MPP1: variants seen among roughly 807,000 people sequenced by gnomAD.
MPP1 encodes the protein 55 kDa erythrocyte membrane protein.
Under a neutral mutation model 38.2 loss-of-function variants are expected in MPP1, and 6 were observed. The ratio of observed to expected loss-of-function variants is 0.16; its 90% CI spans 0.09 to 0.31. MPP1 has a LOEUF of 0.31. Among genes scored for constraint, MPP1 ranks in the 10% least tolerant of loss-of-function variants. MPP1 has a pLI of 1.00. For synonymous variants in MPP1, 153 were observed against 146.3 expected (o/e 1.05, Z -0.33); for missense variants, 293 against 368.9 (o/e 0.79, Z 1.69).
At position 154,784,442 on chromosome X, in the gene MPP1, A is replaced by G. The variant is rs782106697; in HGVS notation, c.785-334T>C. ...TGGCACTTAGAGCTGAAGAATGCCA[A>G]TGCTATCTCGGTTCTGCCTGAATGT... On this transcript the variant is annotated intron_variant, in intron 7 of 11. Coordinates refer to ENST00000369534, the MANE Select transcript of MPP1 (RefSeq NM_002436.4). Among the ~76,000 whole-genome samples, 6 of 110,543 alleles carry G rather than the reference A, an allele frequency of 5.4e-5. No individual in the cohort carries two copies. The East Asian group carries it at 1.7e-3, about 31-fold the overall frequency.
chrX:154,799,108 C>T (rs1426203386), intron 1 of MPP1, among the ~76,000 whole-genome samples: 2 of 112,011 alleles, frequency 1.8e-5, no homozygotes, highest in Non-Finnish European at 3.8e-5. Flanking sequence ...AAAGACTCAG[C>T]AAAGCTTACT....
chrX:154,796,362 C>T (rs1300046416), intron 1 of MPP1, among the ~76,000 whole-genome samples: 2 of 111,046 alleles, frequency 1.8e-5, no homozygotes, highest in African/African-American at 3.3e-5. Flanking sequence ...AACTCCTGAC[C>T]GCAAGTGATC....
intron 1 of MPP1, among the ~76,000 whole-genome samples, chrX:154,794,467 G>GGAGGAGGAGGAC (rs1406954790): frequency 8.9e-6 from 1 of 111,956 alleles, no homozygotes; most frequent in East Asian, 2.8e-4. Context: ...ACCTGGAGGA[G>GGAGGAGGAGGAC]GAGGAGGAGG....
At chrX:154,786,511 G>A in intron 5 of MPP1, 111 bp from the exon 6 acceptor site, 1 of 685,318 alleles carries the variant, frequency 1.5e-6, no homozygotes, top group Non-Finnish European at 2.2e-6. Context: ...CAACAGGGAG[G>A]TAAGAATGGT....
At chrX:154,791,213 T>C in intron 3 of MPP1, 145 bp from the exon 4 acceptor site, 1 of 524,536 alleles carries the variant, frequency 1.9e-6, no homozygotes, top group Non-Finnish European at 3.2e-6. Flanking sequence ...ATTGAAAACA[T>C]TTGACTTGAC....
chrX:154,801,031 T>C (rs1237731910), intron 1 of MPP1, among the ~76,000 whole-genome samples: 4 of 112,611 alleles, frequency 3.6e-5, no homozygotes, highest in Non-Finnish European at 5.6e-5. Flanking sequence ...CAGCCAATTT[T>C]GGAAATATGG....
In MPP1 at chrX:154,797,801, G is replaced by A. The variant is rs781939364; in HGVS notation, c.103-5516C>T. Among the ~76,000 whole-genome samples the A allele has an allele frequency of 3.5e-3, 393 of 112,137 alleles. No homozygotes were observed. In the Middle Eastern group the frequency reaches 0.075, roughly 21 times the overall value. On this transcript the variant is annotated intron_variant, in intron 1 of 11. Coordinates refer to ENST00000369534, the MANE Select transcript of MPP1 (RefSeq NM_002436.4). ...TCAAAATGAAAAACTCTTGTTCTGT[G>A]AAAGCCCACATGAAGATTGTGAAAA...
At chrX:154,791,952 C>T (rs1397891783) in intron 2 of MPP1, 105 bp from the exon 3 acceptor site, 17 of 963,651 alleles carry the variant, frequency 1.8e-5, no homozygotes, top group Middle Eastern at 5.6e-4. Flanking sequence ...TCCATTTATA[C>T]CCAGGATAGT....
intron 10 of MPP1, 28 bp from the exon 11 acceptor site, chrX:154,781,341 G>A (rs2071994441): frequency 1.0e-6 from 1 of 993,059 alleles, no homozygotes; most frequent in African/African-American, 2.3e-5. Context: ...GGGCGGCGGG[G>A]AGGGGGGGGA....
chrX:154,792,960 T>C (rs1258056487), intron 1 of MPP1, among the ~76,000 whole-genome samples: 1 of 111,555 alleles, frequency 9.0e-6, no homozygotes, highest in Non-Finnish European at 1.9e-5. Context: ...GCAAGGCCTC[T>C]TTATTATAAA....
chrX:154,784,316 C>T (rs1354857632), intron 7 of MPP1, among the ~76,000 whole-genome samples: 1 of 110,988 alleles, frequency 9.0e-6, no homozygotes, highest in Non-Finnish European at 1.9e-5. Flanking sequence ...GTTTATCTAA[C>T]TTTTGCACCC....
rs188504290 is a variant in MPP1, at chrX:154,789,148, A to C, written c.480+806T>G. 4.5e-5 allele frequency among the ~76,000 whole-genome samples: 5 copies of C among 111,920 alleles called. No individual in the cohort carries two copies. The East Asian group carries it at 1.4e-3, about 31-fold the overall frequency. ...TTGAATATATGCCCATATATGCCAAAACTGCAATTTAAAAGTTTACTTAAG... is the reference window on the plus strand; with the variant it reads ...TTGAATATATGCCCATATATGCCAACACTGCAATTTAAAAGTTTACTTAAG... On this transcript the variant is annotated intron_variant, in intron 5 of 11. Transcript: ENST00000369534.
intron 1 of MPP1, chrX:154,799,880 T>A: frequency 8.7e-7 from 1 of 1,150,520 alleles, no homozygotes; most frequent in East Asian, 3.3e-5. Context: ...GCAGAGGCAG[T>A]TGCTCAAAGG....
At chrX:154,792,120 C>T (rs782259947) in intron 2 of MPP1, 22 bp downstream of exon 2, 21 of 1,203,517 alleles carry the variant, frequency 1.7e-5, no homozygotes, top group Admixed American at 6.6e-5. Context: ...AACTGGTGGG[C>T]GACAATATGA....
In MPP1 at chrX:154,792,312, G is replaced by A. The variant is rs782068811; in HGVS notation, c.103-27C>T. ...TGCCAAGCCAAAACAACAAAGCAAC[G>A]TATGAAATCAGGAGCAAGGCCCACA... On this transcript the variant is annotated intron_variant, in intron 1 of 11. Transcript: ENST00000369534. The A allele has an allele frequency of 1.4e-5, 17 of 1,185,882 alleles. No homozygotes were observed. The East Asian group carries it at 2.7e-4, about 19-fold the overall frequency.
chrX:154,779,044 G>T lies in MPP1; in HGVS notation c.*133C>A, dbSNP rs782046952. On this transcript the variant is annotated 3_prime_UTR_variant, in exon 12 of 12. Transcript: ENST00000369534. ...GCAAGAAGACTGAACCTTACTGGCTGAATTAGGATAGCTGCAGAGAGCTGG... is the reference window on the plus strand; with the variant it reads ...GCAAGAAGACTGAACCTTACTGGCTTAATTAGGATAGCTGCAGAGAGCTGG... 3.3e-6 allele frequency: 2 copies of T among 608,367 alleles called. No individual in the cohort carries two copies. Among genetic ancestry groups the T allele is most frequent in the African/African-American group, 2.3e-5 (1 of 43,593 alleles). 50.1% of individuals were successfully genotyped at this position (608,367 alleles called of 1,213,427 possible).
At position 154,791,002 on chromosome X, in the gene MPP1, T is replaced by C. The variant is rs898856762; in HGVS notation, c.392A>G (p.Asp131Gly). ...NGTNVTNHSV[D>G]QLQKAMKETK... Reference sequence around the variant, plus strand: ...ACCCACCATCGCCTTCTGCAGCTGATCCACTGAATGATTTGTCACATTTGT... The same window carrying C: ...ACCCACCATCGCCTTCTGCAGCTGACCCACTGAATGATTTGTCACATTTGT... Residue 131 changes from aspartate to glycine, a missense_variant, in exon 4 of 12, where the codon GAT becomes GGT. Transcript: ENST00000369534. 1.7e-6 allele frequency: 2 copies of C among 1,211,069 alleles called. No homozygotes were observed. The highest frequency in any genetic ancestry group is 2.2e-6 in the Non-Finnish European group (2 of 895,006).
Position 154,791,821 on chromosome X carries a change from T to C in MPP1, c.273A>G (p.Lys91=), listed in dbSNP as rs782605910. Residue 91 remains lysine, a synonymous_variant, in exon 3 of 12, where the codon AAA becomes AAG. Coordinates refer to ENST00000369534, the MANE Select transcript of MPP1 (RefSeq NM_002436.4). ...GAATTCTGGCCACCGTACAGGACTG[T>C]TTTTCATTCAGCTTCAGCGTGATTC... The part of the protein sequence containing the change: ...PMGITLKLNE[K]QSCTVARILH... 1 of 1,210,304 alleles carries C rather than the reference T, an allele frequency of 8.3e-7. No individual in the cohort carries two copies. The highest frequency in any genetic ancestry group is 1.8e-5 in the South Asian group (1 of 56,912).
intron 5 of MPP1, 50 bp from the exon 6 acceptor site, chrX:154,786,450 C>A: frequency 9.0e-7 from 1 of 1,105,131 alleles, no homozygotes; most frequent in Non-Finnish European, 1.2e-6. Context: ...AAAGAAACAC[C>A]AGCATCAGAG....
Sources: gnomAD v4.1 joint callset for allele counts (sites outside exome capture counted in the v4.1 genomes callset) on GRCh38, gnomAD v4.1.1 for gene constraint, MANE v1.5 for transcripts, NCBI Gene and HGNC (gene_info 2026-07-23, HGNC 2026-07-21) for gene names.